USP24: variants seen among roughly 807,000 people sequenced by gnomAD.
USP24 encodes ubiquitin carboxyl-terminal hydrolase 24.
USP24 carries 97 observed loss-of-function variants against 361.6 expected under a neutral mutation model. The observed-to-expected ratio is 0.27, with a 90% CI of 0.23 to 0.32. The LOEUF (loss-of-function observed/expected upper bound fraction) is 0.32, where lower values mean the gene tolerates loss of function less well. Ranked by LOEUF, USP24 falls within the 10% of genes least tolerant of loss-of-function variation. USP24 has a pLI of 1.00. For synonymous variants in USP24, 1,098 were observed against 1,124.6 expected (o/e 0.98, Z 0.47); for missense variants, 2,353 against 3,165.6 (o/e 0.74, Z 6.16).
In USP24 at chr1:55,159,594, C is replaced by G. The variant is rs1261696853; in HGVS notation, c.1068+17G>C. 1.3e-6 allele frequency: 2 copies of G among 1,553,652 alleles called. No individual in the cohort carries two copies. Among genetic ancestry groups the G allele is most frequent in the Middle Eastern group, 1.7e-4 (1 of 5,982 alleles). ...CTAACTGGCACTGGGGCCTATCTGG[C>G]TGGAGAAGGCATTTACCTTGTCTTT... is the stretch of plus-strand genomic sequence containing the variant. On this transcript the variant is annotated intron_variant, in intron 9 of 67. Coordinates refer to ENST00000294383, the MANE Select transcript of USP24 (RefSeq NM_015306.3).
Position 55,096,584 on chromosome 1 carries a change from G to A in USP24, c.5975C>T (p.Thr1992Ile), listed in dbSNP as rs776339463. Residue 1992 changes from threonine to isoleucine, a missense_variant, in exon 50 of 68, where the codon ACA becomes ATA. Thr to Ile is a moderately conservative substitution (Grantham distance 89). Coordinates refer to ENST00000294383, the MANE Select transcript of USP24 (RefSeq NM_015306.3). ...GKGKWYKFND[T>I]VIEEFDLNDE... ...ATTTAGGTCAAATTCTTCTATAACT[G>A]TGTCATTAAATTTATACCACTTTCC... The A allele has an allele frequency of 6.2e-7, 1 of 1,612,864 alleles. No homozygotes were observed. The highest frequency in any genetic ancestry group is 1.3e-5 in the African/African-American group (1 of 74,960).
chr1:55,092,214 C>A (rs1417550259), intron 53 of USP24, 88 bp from the exon 54 acceptor site: 2 of 822,928 alleles, frequency 2.4e-6, no homozygotes, highest in Non-Finnish European at 3.9e-6. Flanking sequence ...GATACACACA[C>A]AATATATGAA....
intron 16 of USP24, among the ~76,000 whole-genome samples, chr1:55,150,916 T>C (rs1017879144): frequency 1.3e-5 from 2 of 152,206 alleles, no homozygotes; most frequent in Non-Finnish European, 2.9e-5. Context: ...ATGTCTAAAT[T>C]GGACTCAACA....
At chr1:55,198,129 T>C (rs898417906) in intron 1 of USP24, among the ~76,000 whole-genome samples, 1 of 140,570 alleles carries the variant, frequency 7.1e-6, no homozygotes, top group Non-Finnish European at 1.5e-5. Flanking sequence ...TTTATATTTC[T>C]TTTTTAAAAA....
At position 55,067,682 on chromosome 1, in the gene USP24, C is replaced by T. The variant is rs1456157532; in HGVS notation, c.*1363G>A. The T allele has an allele frequency of 6.6e-6, 1 of 152,238 alleles. No individual in the cohort carries two copies. Among genetic ancestry groups the T allele is most frequent in the Non-Finnish European group, 1.5e-5 (1 of 68,050 alleles). The allele number at this position is 152,238 out of a possible 1,614,324, so 9.4% of individuals were successfully genotyped here. A position where few individuals can be genotyped will look rare whatever the true frequency, so the allele number is the denominator to read the frequency against. The stretch of plus-strand genomic sequence containing the variant: ...ACTTGGCAAATCTGACAGTGAAAAC[C>T]TGGCACTTCCTAAGGCTCCCTAGTT... On this transcript the variant is annotated 3_prime_UTR_variant, in exon 68 of 68. Transcript: ENST00000294383.
Position 55,154,294 on chromosome 1 carries a change from A to G in USP24, c.1651-14T>C. 1 of 1,598,406 alleles carries G rather than the reference A, an allele frequency of 6.3e-7. No homozygotes were observed. The highest frequency in any genetic ancestry group is 8.5e-7 in the Non-Finnish European group (1 of 1,171,982). On this transcript the variant is annotated splice_polypyrimidine_tract_variant and intron_variant, in intron 14 of 67. Coordinates refer to ENST00000294383, the MANE Select transcript of USP24 (RefSeq NM_015306.3). ...TACGTCTAAAACCTACAATAATATT[A>G]CATATGATCAGCCAGCCAATATGCA...
At position 55,103,728 on chromosome 1, in the gene USP24, T is replaced by C. The variant is rs952362708; in HGVS notation, c.5025+148A>G. The stretch of plus-strand genomic sequence containing the variant: ...AGTATATTAGAGTGATACTATAGCT[T>C]ATACTTGATTTGAGTATGTGAACAC... On this transcript the variant is annotated intron_variant, in intron 42 of 67. Coordinates refer to ENST00000294383, the MANE Select transcript of USP24 (RefSeq NM_015306.3). 14 of 788,336 alleles carry C rather than the reference T, an allele frequency of 1.8e-5. No individual in the cohort carries two copies. The Admixed American group carries it at 4.1e-4, about 23-fold the overall frequency. 48.8% of individuals were successfully genotyped at this position (788,336 alleles called of 1,614,324 possible). A position where few individuals can be genotyped will look rare whatever the true frequency, so the allele number is the denominator to read the frequency against.
intron 51 of USP24, among the ~76,000 whole-genome samples, 200 bp downstream of exon 51, chr1:55,095,055 T>C (rs1308650169): frequency 2.0e-5 from 3 of 152,218 alleles, no homozygotes; most frequent in African/African-American, 7.2e-5. Flanking sequence ...ATAACTTACG[T>C]GCATGTTTCT....
Position 55,214,781 on chromosome 1 carries a change from C to T in USP24, c.324+9G>A. ...CTTCCCACAGAGGTCTGGGGTTGCC[C>T]CTCCTCACCTCCGCGTCCACCACCT... On this transcript the variant is annotated intron_variant, in intron 1 of 67. Coordinates refer to ENST00000294383, the MANE Select transcript of USP24 (RefSeq NM_015306.3). The T allele has an allele frequency of 8.2e-7, 1 of 1,223,980 alleles. No individual in the cohort carries two copies. The allele number at this position is 1,223,980 out of a possible 1,614,324, so 75.8% of individuals were successfully genotyped here. A position where few individuals can be genotyped will look rare whatever the true frequency, so the allele number is the denominator to read the frequency against.
chr1:55,107,866 A>AAC (rs1553150193), intron 39 of USP24, among the ~76,000 whole-genome samples: 5 of 138,784 alleles, frequency 3.6e-5, no homozygotes, highest in Non-Finnish European at 7.7e-5. Flanking sequence ...AAAAAAAAAA[A>AAC]CACACAAAAA....
rs1169585782 is a variant in USP24, at chr1:55,137,681, A to C, written c.3035T>G (p.Val1012Gly). ...QIFTNDSLLT[V>G]NKDQKLLHQL... is the part of the protein sequence containing the mutation. ...GTGGAGTAGCTTTTGATCTTTATTC[A>C]CTGTCAGCTGCAAAAAGTGGTTTCT... The change falls in exon 28 of 68, where the codon GTG (valine) becomes GGG (glycine). Residue 1012 changes from valine (V) to glycine (G), a missense_variant. By Grantham distance (109) the Val-to-Gly change is moderately radical. Coordinates refer to ENST00000294383, the MANE Select transcript of USP24 (RefSeq NM_015306.3). The C allele has an allele frequency of 5.6e-6, 9 of 1,611,000 alleles. No homozygotes were observed. Among genetic ancestry groups the C allele is most frequent in the Non-Finnish European group, 7.6e-6 (9 of 1,178,726 alleles).
At chr1:55,123,663 C>T in intron 35 of USP24, 61 bp from the exon 36 acceptor site, 1 of 1,449,900 alleles carries the variant, frequency 6.9e-7, no homozygotes, top group Non-Finnish European at 9.2e-7. Context: ...ATATTTTAAT[C>T]TTTTTACTAT....
At chr1:55,092,786 CT>C in intron 53 of USP24, 34 bp downstream of exon 53, 1 of 1,417,382 alleles carries the variant, frequency 7.1e-7, no homozygotes, top group Non-Finnish European at 9.7e-7. Context: ...AATTGTAACC[CT>C]TTCTTATTTC....
chr1:55,146,142 A>G, intron 19 of USP24, 33 bp from the exon 20 acceptor site: 1 of 1,514,994 alleles, frequency 6.6e-7, no homozygotes, highest in South Asian at 1.1e-5. Context: ...CCCTATAACT[A>G]AGATCCATTT....
At chr1:55,141,994 A>C (rs939450086) in intron 23 of USP24, among the ~76,000 whole-genome samples, 6 of 152,180 alleles carry the variant, frequency 3.9e-5, no homozygotes, top group Middle Eastern at 3.2e-3. Context: ...ATATGTTAAC[A>C]CTTACATGGG....
At chr1:55,120,931 C>G (rs1646261726) in intron 37 of USP24, among the ~76,000 whole-genome samples, 175 bp from the exon 38 acceptor site, 1 of 152,066 alleles carries the variant, frequency 6.6e-6, no homozygotes. Context: ...TAATTAAAAC[C>G]CACTGCGGTT....
At chr1:55,095,595 T>G (rs1471165715) in intron 50 of USP24, among the ~76,000 whole-genome samples, 199 bp from the exon 51 acceptor site, 1 of 152,198 alleles carries the variant, frequency 6.6e-6, no homozygotes, top group Non-Finnish European at 1.5e-5. Flanking sequence ...TGGGCCTAGC[T>G]GGATCTCTCA....
chr1:55,125,247 C>T, intron 34 of USP24, 73 bp downstream of exon 34: 3 of 1,425,896 alleles, frequency 2.1e-6, no homozygotes, highest in Non-Finnish European at 2.0e-6. Flanking sequence ...TTTATATCCC[C>T]ATAGCACCTC....
chr1:55,085,148 T>G lies in USP24; in HGVS notation c.6765+794A>C, dbSNP rs559793326. Among the ~76,000 whole-genome samples, 28 of 152,156 alleles carry G rather than the reference T, an allele frequency of 1.8e-4. 1 individual carries two copies. Among genetic ancestry groups the G allele is most frequent in the African/African-American group, 6.7e-4 (28 of 41,576 alleles). On this transcript the variant is annotated intron_variant, in intron 56 of 67. Coordinates refer to ENST00000294383, the MANE Select transcript of USP24 (RefSeq NM_015306.3). ...CAAAACCACTGCCTTACAGTAAACC[T>G]CAACTTCCTAATGATTCCCGGAATT...
Sources: gnomAD v4.1 joint callset for allele counts (sites outside exome capture counted in the v4.1 genomes callset) on GRCh38, gnomAD v4.1.1 for gene constraint, MANE v1.5 for transcripts, NCBI Gene and HGNC (gene_info 2026-07-23, HGNC 2026-07-21) for gene names.